SLC48A1: variants seen among roughly 807,000 people sequenced by gnomAD.
SLC48A1 encodes heme transporter HRG1.
SLC48A1 carries 6 observed loss-of-function variants against 14.8 expected under a neutral mutation model. That is an observed-to-expected ratio of 0.41 (90% CI 0.22 to 0.80). The LOEUF (loss-of-function observed/expected upper bound fraction) is 0.80. Ranked by LOEUF, SLC48A1 falls within the 30% of genes least tolerant of loss-of-function variation. The pLI is 0.34. For missense variants in SLC48A1, 165 were observed against 204.8 expected (o/e 0.81, Z 1.19); for synonymous variants, 89 against 90.0 (o/e 0.99, Z 0.06).
chr12:47,762,029 T>G (rs555531829), intron 2 of SLC48A1, among the ~76,000 whole-genome samples: 23 of 152,018 alleles, frequency 1.5e-4, no homozygotes, highest in Admixed American at 1.4e-3. Context: ...TACTGACAGC[T>G]CCTATAAAGG....
At chr12:47,769,872 A>T (rs1942593913), upstream of SLC48A1, among the ~76,000 whole-genome samples, 1 of 152,186 alleles carries the variant, frequency 6.6e-6, no homozygotes, top group Non-Finnish European at 1.5e-5. Context: ...AAATACACTA[A>T]ACTTAAATAC....
chr12:47,770,089 G>A (rs1343785338), upstream of SLC48A1, among the ~76,000 whole-genome samples: 1 of 152,202 alleles, frequency 6.6e-6, no homozygotes, highest in African/African-American at 2.4e-5. Flanking sequence ...ACAGCAAATG[G>A]TGAAGCTAGG....
At chr12:47,773,083 G>A, upstream of SLC48A1, 2 of 596,212 alleles carry the variant, frequency 3.4e-6, no homozygotes, top group Non-Finnish European at 4.2e-6. Context: ...TCCCCCAAAC[G>A]ACACGGCAGC....
upstream of SLC48A1, among the ~76,000 whole-genome samples, chr12:47,767,357 A>T (rs780980322): frequency 2.0e-5 from 3 of 152,222 alleles, no homozygotes; most frequent in Non-Finnish European, 4.4e-5. Context: ...AGAATTATTT[A>T]TGGACATTCA....
chr12:47,755,618 A>T (rs1942009856), upstream of SLC48A1: 1 of 152,148 alleles, frequency 6.6e-6, no homozygotes, highest in Non-Finnish European at 1.5e-5. Flanking sequence ...CTTTTGCAAT[A>T]GCTGTTAAGT....
At chr12:47,771,111 A>T, upstream of SLC48A1, 1 of 313,572 alleles carries the variant, frequency 3.2e-6, no homozygotes, top group Non-Finnish European at 6.4e-6. Context: ...TCAAAATTTA[A>T]TAGGCAGGGG....
At chr12:47,758,519 C>A, upstream of SLC48A1, 2 of 1,612,234 alleles carry the variant, frequency 1.2e-6, no homozygotes, top group Non-Finnish European at 1.7e-6. Context: ...CCCTCTCCTG[C>A]TCCTCCTCAA....
intron 2 of SLC48A1, chr12:47,760,494 C>A: frequency 1.3e-6 from 1 of 761,428 alleles, no homozygotes; most frequent in Non-Finnish European, 1.6e-6. Flanking sequence ...GGAAGGCTTC[C>A]TGAGACTGGC....
intron 2 of SLC48A1, 125 bp downstream of exon 2, chr12:47,779,320 C>G: frequency 7.6e-7 from 1 of 1,320,388 alleles, no homozygotes; most frequent in Non-Finnish European, 1.0e-6. Context: ...CCTCCCCGGA[C>G]ACGGGTTTTG....
At chr12:47,759,486 G>C (rs957908875) in intron 1 of SLC48A1, among the ~76,000 whole-genome samples, 2 of 152,262 alleles carry the variant, frequency 1.3e-5, no homozygotes, top group African/African-American at 4.8e-5. Context: ...CTCCAGAACG[G>C]GTAGGGGCCC....
Position 47,782,011 on chromosome 12 carries a change from G to A in SLC48A1, c.*1730G>A, listed in dbSNP as rs1345815023. On this transcript the variant is annotated 3_prime_UTR_variant, in exon 3 of 3. Coordinates refer to ENST00000442218, the MANE Select transcript of SLC48A1 (RefSeq NM_017842.3). ...ACACCCGAGAGGCCAGGCCAGATGG[G>A]AAAGGGATTAGCGCCTCTTCCCTCA... The A allele has an allele frequency of 6.6e-6, 1 of 152,404 alleles. No individual in the cohort carries two copies. Among genetic ancestry groups the A allele is most frequent in the African/African-American group, 2.4e-5 (1 of 41,482 alleles). The allele number at this position is 152,404 out of a possible 1,614,324, so 9.4% of individuals were successfully genotyped here. A position where few individuals can be genotyped will look rare whatever the true frequency, so the allele number is the denominator to read the frequency against.
upstream of SLC48A1, chr12:47,758,004 C>G: frequency 6.4e-7 from 1 of 1,574,170 alleles, no homozygotes; most frequent in Non-Finnish European, 8.6e-7. Context: ...GGGCTCCCAC[C>G]CGCGGTGCTC....
At chr12:47,769,498 C>A (rs1386782923), upstream of SLC48A1, 2 of 152,252 alleles carry the variant, frequency 1.3e-5, no homozygotes, top group Middle Eastern at 3.2e-3. Flanking sequence ...TCTCTCACAC[C>A]TTACCACTGA....
At position 47,774,013 on chromosome 12, in the gene SLC48A1, C is replaced by T. The variant is rs79717600; in HGVS notation, c.136+573C>T. 4.6e-3 allele frequency among the ~76,000 whole-genome samples: 695 copies of T among 152,350 alleles called. 7 individuals carry two copies. The highest frequency in any genetic ancestry group is 0.016 in the African/African-American group (665 of 41,576). On this transcript the variant is annotated intron_variant, in intron 1 of 2. Transcript: ENST00000442218. Reference sequence around the variant, plus strand: ...CCTCTGCTGAGACCCACAGGGAGGACGGCGTTAGGGATCTCATAGAAACTG... The same window carrying T: ...CCTCTGCTGAGACCCACAGGGAGGATGGCGTTAGGGATCTCATAGAAACTG...
At chr12:47,767,733 T>C (rs1487217070), upstream of SLC48A1, among the ~76,000 whole-genome samples, 1 of 152,074 alleles carries the variant, frequency 6.6e-6, no homozygotes, top group Non-Finnish European at 1.5e-5. Context: ...TGATGAGGGA[T>C]CAATCTTATA....
intron 2 of SLC48A1, among the ~76,000 whole-genome samples, chr12:47,779,416 A>AGCCC (rs1226988583): frequency 6.6e-6 from 1 of 152,226 alleles, no homozygotes; most frequent in Non-Finnish European, 1.5e-5. Flanking sequence ...AGCAGTGCAT[A>AGCCC]GCCCATACAA....
chr12:47,765,789 G>A (rs1305865395), intron 2 of SLC48A1, among the ~76,000 whole-genome samples: 1 of 152,252 alleles, frequency 6.6e-6, no homozygotes, highest in African/African-American at 2.4e-5. Flanking sequence ...GGTGAGAGCT[G>A]CTCTGCTGTA....
In SLC48A1 at chr12:47,780,288, G is replaced by C. The variant is rs763031602; in HGVS notation, c.*7G>C. The stretch of plus-strand genomic sequence containing the variant: ...CATCCTCAGCGATTTCTGACCCAGG[G>C]GGTGAGGTCTCTGCACCCTGGGGGG... On this transcript the variant is annotated 3_prime_UTR_variant, in exon 3 of 3. Transcript: ENST00000442218. 4.6e-5 allele frequency: 74 copies of C among 1,614,036 alleles called. No homozygotes were observed. The highest frequency in any genetic ancestry group is 5.6e-5 in the Non-Finnish European group (66 of 1,179,992).
chr12:47,767,294 C>G (rs1053113605), upstream of SLC48A1, among the ~76,000 whole-genome samples: 2 of 152,164 alleles, frequency 1.3e-5, no homozygotes, highest in Non-Finnish European at 2.9e-5. Context: ...ACCTGCAAAG[C>G]TGTCTGTTCA....
Sources: gnomAD v4.1 joint callset for allele counts (sites outside exome capture counted in the v4.1 genomes callset) on GRCh38, gnomAD v4.1.1 for gene constraint, MANE v1.5 for transcripts, NCBI Gene and HGNC (gene_info 2026-07-23, HGNC 2026-07-21) for gene names.